SPATA13: variants seen among roughly 807,000 people sequenced by gnomAD.
The protein encoded by SPATA13 is spermatogenesis-associated protein 13.
A neutral mutation model predicts 104.0 loss-of-function variants in SPATA13; 50 were observed. The observed-to-expected ratio is 0.48, with a 90% CI of 0.38 to 0.61. SPATA13 has a LOEUF of 0.61. SPATA13 is among the 20% of genes least tolerant of loss of function. The pLI, the probability that SPATA13 is intolerant of heterozygous loss-of-function variation, is 0.00. For synonymous variants in SPATA13, 606 were observed against 667.5 expected (o/e 0.91, Z 1.42); for missense variants, 1,524 against 1,690.6 (o/e 0.90, Z 1.73).
chr13:23,995,760 A>T (rs1283933310), intron 2 of SPATA13, among the ~76,000 whole-genome samples: 1 of 152,234 alleles, frequency 6.6e-6, no homozygotes, highest in African/African-American at 2.4e-5. Context: ...AGAGCAAAAG[A>T]TCTAACTCTT....
chr13:24,026,326 A>C (rs1271620382), intron 3 of SPATA13, among the ~76,000 whole-genome samples: 1 of 152,158 alleles, frequency 6.6e-6, no homozygotes, highest in African/African-American at 2.4e-5. Flanking sequence ...TGTGTTCTTC[A>C]CATGAAGAGC....
rs186877523 is a variant in SPATA13, at chr13:24,166,644, A to G, written c.-112+5712A>G. On this transcript the variant is annotated intron_variant, in intron 1 of 12. Coordinates refer to ENST00000382108, the MANE Select transcript of SPATA13 (RefSeq NM_001166271.3). ...AAATTCTAGGGCTCCCACCAGACCT[A>G]TAAATTAGTTCTGTGAGTGGGGCCC... Among the ~76,000 whole-genome samples, 127 of 152,348 alleles carry G rather than the reference A, an allele frequency of 8.3e-4. 1 individual carries two copies. Among genetic ancestry groups the G allele is most frequent in the African/African-American group, 2.3e-3 (94 of 41,586 alleles).
chr13:24,233,571 C>T (rs1022741122), intron 2 of SPATA13, among the ~76,000 whole-genome samples: 1 of 151,994 alleles, frequency 6.6e-6, no homozygotes, highest in East Asian at 1.9e-4. Context: ...CATCATGAGT[C>T]TAAATGTGAA....
chr13:24,082,838 A>AAAAT (rs1879581596), intron 3 of SPATA13, among the ~76,000 whole-genome samples: 1 of 150,330 alleles, frequency 6.7e-6, no homozygotes. Flanking sequence ...AAAAAAAAAA[A>AAAAT]AAAAAAAAAA....
rs1023385245 is a variant in SPATA13 at position 24,303,040 on chromosome 13, C to T, written c.*267C>T. ...TATGAGATGGCCCAGATGTGGGACC[C>T]GGTACCATGCTCTAAAGCGAGTGAT... On this transcript the variant is annotated 3_prime_UTR_variant, in exon 13 of 13. Transcript: ENST00000382108. The T allele has an allele frequency of 4.5e-5, 23 of 516,764 alleles. No homozygotes were observed. The highest frequency in any genetic ancestry group is 7.8e-5 in the Non-Finnish European group (22 of 283,846). 32.0% of individuals were successfully genotyped at this position (516,764 alleles called of 1,614,324 possible). A position where few individuals can be genotyped will look rare whatever the true frequency, so the allele number is the denominator to read the frequency against.
chr13:24,009,148 T>C (rs1314042184), intron 2 of SPATA13, among the ~76,000 whole-genome samples: 1 of 152,200 alleles, frequency 6.6e-6, no homozygotes, highest in Admixed American at 6.5e-5. Flanking sequence ...ACCTAAACTC[T>C]GCTCTGGTTC....
At chr13:24,102,501 G>T (rs1291271379) in intron 3 of SPATA13, among the ~76,000 whole-genome samples, 1 of 136,940 alleles carries the variant, frequency 7.3e-6, no homozygotes. Flanking sequence ...TTGAGATGGA[G>T]TCTCACTCTA....
intron 10 of SPATA13, among the ~76,000 whole-genome samples, chr13:24,295,139 G>T (rs572460991): frequency 3.0e-4 from 45 of 152,098 alleles, no homozygotes; most frequent in African/African-American, 1.0e-3. Context: ...AGGGAGTACC[G>T]TGGGAACAGT....
rs1390688120 is a variant in SPATA13, at chr13:24,284,234, A to G, written c.2264A>G (p.Tyr755Cys). The change falls in exon 5 of 13, where the codon TAC (tyrosine) becomes TGC (cysteine). Residue 755 changes from tyrosine to cysteine, a missense_variant. Tyr to Cys is a radical substitution (Grantham distance 194, BLOSUM62 -2). This residue lies in a region of SPATA13 where 1,089 missense variants were observed against 1,135.9 expected (regional missense o/e 0.96). Coordinates refer to ENST00000382108, the MANE Select transcript of SPATA13 (RefSeq NM_001166271.3). ...YEDLCQASPR[Y>C]LQPGGEQLAI... is the part of the protein sequence containing the mutation. ...GACCTCTGCCAGGCCAGCCCTCGGTACCTGCAGCCCGGCGGGGAGCAGCTG... is the reference window on the plus strand; with the variant it reads ...GACCTCTGCCAGGCCAGCCCTCGGTGCCTGCAGCCCGGCGGGGAGCAGCTG... 6.2e-7 allele frequency: 1 copy of G among 1,613,692 alleles called. No homozygotes were observed. The highest frequency in any genetic ancestry group is 8.5e-7 in the Non-Finnish European group (1 of 1,179,950).
Position 24,265,331 on chromosome 13 carries a change from C to T in SPATA13, c.2164+13469C>T, listed in dbSNP as rs185223227. Among the ~76,000 whole-genome samples the T allele has an allele frequency of 5.1e-3, 775 of 152,300 alleles. 8 individuals are homozygous for T. The highest frequency in any genetic ancestry group is 0.023 in the Admixed American group (350 of 15,304). ...GCCCTGTGTTACGTTCAATGCCTTT[C>T]AGGTTCCTCTGGAAAGTAGCATCAC... On this transcript the variant is annotated intron_variant, in intron 4 of 12. Transcript: ENST00000382108.
In SPATA13 at chr13:24,161,312, G is replaced by A. The variant is rs985149928; in HGVS notation, c.-112+380G>A. The stretch of plus-strand genomic sequence containing the variant: ...CAGGGGCGGCCGTGGGGGTGGCAGA[G>A]TCTGGGGAGCCTGGCGCGGCGGAGC... On this transcript the variant is annotated intron_variant, in intron 1 of 12. Coordinates refer to ENST00000382108, the MANE Select transcript of SPATA13 (RefSeq NM_001166271.3). This position sits in a 1 kb window ranked among gnomAD's most constrained non-coding sequence, Gnocchi z 4.5. Among the ~76,000 whole-genome samples, 4 of 152,220 alleles carry A rather than the reference G, an allele frequency of 2.6e-5. No homozygotes were observed. The highest frequency in any genetic ancestry group is 5.9e-5 in the Non-Finnish European group (4 of 68,028).
chr13:24,288,066 C>G (rs1041920506), intron 7 of SPATA13, among the ~76,000 whole-genome samples: 1 of 152,186 alleles, frequency 6.6e-6, no homozygotes, highest in African/African-American at 2.4e-5. Context: ...GCGAAAGAAG[C>G]AGGTCTGCAG....
chr13:24,084,036 T>C (rs74977622), intron 3 of SPATA13, among the ~76,000 whole-genome samples: 5 of 152,116 alleles, frequency 3.3e-5, no homozygotes, highest in Non-Finnish European at 7.4e-5. Context: ...AAGTGGAAGG[T>C]TTTCTGGATT....
rs181415799 is a variant in SPATA13, at chr13:24,262,091, C to T, written c.2164+10229C>T. The stretch of plus-strand genomic sequence containing the variant: ...GGGAAGATTACACATCAGAAAATTC[C>T]GTTTCTTGATTTAGAATTGATATTA... On this transcript the variant is annotated intron_variant, in intron 4 of 12. Transcript: ENST00000382108. Among the ~76,000 whole-genome samples, 7 of 152,164 alleles carry T rather than the reference C, an allele frequency of 4.6e-5. No homozygotes were observed. In the East Asian group the frequency reaches 9.6e-4, roughly 21 times the overall value.
chr13:24,197,572 A>G (rs988259855), intron 1 of SPATA13, among the ~76,000 whole-genome samples: 2 of 152,244 alleles, frequency 1.3e-5, no homozygotes, highest in African/African-American at 4.8e-5. Flanking sequence ...TCTGAAAGAT[A>G]GAAATAATTT....
chr13:24,247,776 C>T (rs1873235476), intron 2 of SPATA13, among the ~76,000 whole-genome samples: 1 of 152,156 alleles, frequency 6.6e-6, no homozygotes, highest in Admixed American at 6.5e-5. Context: ...AGCCACCCGC[C>T]CGGGCTCTGC....
At chr13:24,107,237 C>CAAAAAAAA (rs11421515) in intron 3 of SPATA13, among the ~76,000 whole-genome samples, 7 of 34,278 alleles carry the variant, frequency 2.0e-4, no homozygotes, top group East Asian at 1.4e-3. Context: ...GAACAAGAGG[C>CAAAAAAAA]AAAAAAAAAA....
intron 2 of SPATA13, among the ~76,000 whole-genome samples, chr13:24,233,894 C>T (rs1593445436): frequency 2.6e-5 from 2 of 75,682 alleles, no homozygotes; most frequent in South Asian, 6.0e-4. Flanking sequence ...TAAACACACA[C>T]ACACACACAC....
chr13:24,170,074 G>T lies in SPATA13; in HGVS notation c.-112+9142G>T, dbSNP rs572372591. Among the ~76,000 whole-genome samples, 4 of 152,324 alleles carry T rather than the reference G, an allele frequency of 2.6e-5. No individual in the cohort carries two copies. In the South Asian group the frequency reaches 8.3e-4, roughly 32 times the overall value. ...ACACAGAAGTGAGAATGGTTTGACA[G>T]TACAAGGTCCCATCTTCAGTTTACC... On this transcript the variant is annotated intron_variant, in intron 1 of 12. Transcript: ENST00000382108.
Sources: allele counts gnomAD v4.1 joint callset (sites outside exome capture counted in the v4.1 genomes callset), GRCh38; gene constraint gnomAD v4.1.1; regional missense constraint gnomAD v4.1.1; non-coding constraint Gnocchi (gnomAD v3.1); transcripts MANE v1.5; gene names NCBI Gene and HGNC (gene_info 2026-07-23, HGNC 2026-07-21).